The following JARID2 variants were observed in gnomAD, a reference collection of about 807,000 sequenced individuals.
JARID2 encodes the protein protein Jumonji.
In JARID2, 21 loss-of-function variants were observed where a neutral mutation model predicts 125.6. The observed-to-expected ratio is 0.17, with a 90% CI of 0.12 to 0.24. The LOEUF (loss-of-function observed/expected upper bound fraction) is 0.24, where lower values mean the gene tolerates loss of function less well. Ranked by LOEUF, JARID2 falls within the 10% of genes least tolerant of loss-of-function variation. The pLI, the probability that JARID2 is intolerant of heterozygous loss-of-function variation, is 1.00. For missense variants in JARID2, 1,303 were observed against 1,639.6 expected, an observed-to-expected ratio of 0.79 and a Z score of 3.55; for synonymous variants, 736 against 661.6, an observed-to-expected ratio of 1.11 and a Z score of -1.73.
chr6:15,324,154 G>C (rs879155561), intron 1 of JARID2, among the ~76,000 whole-genome samples: 33 of 151,784 alleles, frequency 2.2e-4, no homozygotes, highest in Non-Finnish European at 1.2e-4. Flanking sequence ...ACTCCAGCCT[G>C]GGGGACAGAG....
In JARID2 at chr6:15,364,032, TG is replaced by T. The variant is rs202055289; in HGVS notation, c.46-10083del. 7.5e-3 allele frequency among the ~76,000 whole-genome samples: 1,146 copies of T among 152,316 alleles called. 16 individuals are homozygous for T. Among genetic ancestry groups the T allele is most frequent in the African/African-American group, 0.026 (1,088 of 41,568 alleles). The stretch of plus-strand genomic sequence containing the variant: ...CATGAGATAGACAAAAATAAACTGG[TG>T]GTTTGTAATATAACATGACCAGAGA... On this transcript the variant is annotated intron_variant, in intron 1 of 17. Coordinates refer to ENST00000341776, the MANE Select transcript of JARID2 (RefSeq NM_004973.4).
chr6:15,492,450 G>T (rs768718933), intron 6 of JARID2, among the ~76,000 whole-genome samples: 9 of 152,172 alleles, frequency 5.9e-5, no homozygotes, highest in Admixed American at 1.3e-4. Context: ...TACAGAGGTG[G>T]GTTGAGGGAG....
At chr6:15,316,979 T>C (rs907144006) in intron 1 of JARID2, among the ~76,000 whole-genome samples, 2 of 152,246 alleles carry the variant, frequency 1.3e-5, no homozygotes, top group Non-Finnish European at 2.9e-5. Context: ...ACCTTTGTTA[T>C]AGAGTTGCTG....
chr6:15,261,052 G>C (rs1759852626), intron 1 of JARID2, among the ~76,000 whole-genome samples: 1 of 152,120 alleles, frequency 6.6e-6, no homozygotes. Flanking sequence ...TGATTATAAA[G>C]AACAGTCAGT....
intron 1 of JARID2, among the ~76,000 whole-genome samples, chr6:15,342,155 C>A (rs1409728646): frequency 6.6e-6 from 1 of 152,180 alleles, no homozygotes; most frequent in Admixed American, 6.5e-5. Context: ...CATGCTCAGT[C>A]TCTCAAAGTC....
intron 1 of JARID2, among the ~76,000 whole-genome samples, chr6:15,294,903 G>GT (rs1039067467): frequency 1.8e-4 from 28 of 152,110 alleles, no homozygotes; most frequent in African/African-American, 6.5e-4. Context: ...AGCAGAAGCT[G>GT]TTTTAGGAAG....
intron 1 of JARID2, among the ~76,000 whole-genome samples, chr6:15,367,407 C>T (rs1764018492): frequency 6.6e-6 from 1 of 152,200 alleles, no homozygotes; most frequent in Non-Finnish European, 1.5e-5. Flanking sequence ...CCTTCCCCTA[C>T]TCCCACTTCT....
intron 1 of JARID2, among the ~76,000 whole-genome samples, chr6:15,297,024 T>A (rs1427740264): frequency 1.3e-5 from 2 of 152,230 alleles, no homozygotes; most frequent in Non-Finnish European, 2.9e-5. Context: ...ATCTGAGAAG[T>A]CCTGCAGTCT....
intron 4 of JARID2, among the ~76,000 whole-genome samples, chr6:15,456,878 C>CTTTTTTTTTTTTTTTTTTTTTTTTTTTT (rs71535043): frequency 1.0e-5 from 1 of 95,672 alleles, no homozygotes; most frequent in African/African-American, 4.1e-5. Context: ...GGATGTTAAG[C>CTTTTTTTTTTTTTTTTTTTTTTTTTTTT]TTTTTTTTTT....
chr6:15,384,065 A>G (rs1311050186), intron 2 of JARID2, among the ~76,000 whole-genome samples: 1 of 152,128 alleles, frequency 6.6e-6, no homozygotes, highest in East Asian at 1.9e-4. Flanking sequence ...AAGTGCTGGG[A>G]TTATAGGCGT....
intron 4 of JARID2, among the ~76,000 whole-genome samples, chr6:15,467,922 C>T (rs1438515381): frequency 6.6e-6 from 1 of 152,106 alleles, no homozygotes; most frequent in Non-Finnish European, 1.5e-5. Flanking sequence ...GATCGGTTCC[C>T]CCGTTGGGAG....
In JARID2 at chr6:15,520,411, GAACT is replaced by G; in HGVS notation, c.*161_*164del. The G allele has an allele frequency of 5.2e-6, 3 of 580,756 alleles. No individual in the cohort carries two copies. Among genetic ancestry groups the G allele is most frequent in the Non-Finnish European group, 8.4e-6 (3 of 356,854 alleles). The allele number at this position is 580,756 out of a possible 1,614,324, so 36.0% of individuals were successfully genotyped here. ...AATTTTGTTTTAGCATTAAACTGTT[GAACT>G]TTTTTTTGTACTTAGAAAACCTAGA... On this transcript the variant is annotated 3_prime_UTR_variant, in exon 18 of 18. Transcript: ENST00000341776.
At chr6:15,517,574 T>G (rs191591965) in intron 17 of JARID2, among the ~76,000 whole-genome samples, 1 of 152,326 alleles carries the variant, frequency 6.6e-6, no homozygotes, top group Admixed American at 6.5e-5. Flanking sequence ...ACCCAGACCC[T>G]TTTTTGTGAC....
At chr6:15,325,391 A>G (rs985237271) in intron 1 of JARID2, among the ~76,000 whole-genome samples, 2 of 152,164 alleles carry the variant, frequency 1.3e-5, no homozygotes, top group Non-Finnish European at 1.5e-5. Flanking sequence ...GCTTGTCAAG[A>G]GACCCAGCAT....
At chr6:15,324,738 C>T (rs1256137644) in intron 1 of JARID2, among the ~76,000 whole-genome samples, 12 of 151,498 alleles carry the variant, frequency 7.9e-5, no homozygotes, top group Non-Finnish European at 2.9e-5. Flanking sequence ...ATCCTCCTGC[C>T]TCGGCCTCTC....
chr6:15,443,414 G>C (rs1389331968), intron 3 of JARID2, among the ~76,000 whole-genome samples: 1 of 152,166 alleles, frequency 6.6e-6, no homozygotes, highest in African/African-American at 2.4e-5. Context: ...ATCTTTAAGG[G>C]AGTAGGGGAG....
At chr6:15,407,024 C>T (rs1019448483) in intron 2 of JARID2, among the ~76,000 whole-genome samples, 2 of 151,288 alleles carry the variant, frequency 1.3e-5, no homozygotes, top group Non-Finnish European at 2.9e-5. Flanking sequence ...TTTGGGAGGT[C>T]GAAATGGGCG....
chr6:15,415,814 C>T (rs1022578559), intron 3 of JARID2, among the ~76,000 whole-genome samples: 8 of 113,234 alleles, frequency 7.1e-5, no homozygotes, highest in East Asian at 5.4e-4. Flanking sequence ...GCTGGCCGGG[C>T]GGGGGGCTGA....
intron 1 of JARID2, among the ~76,000 whole-genome samples, chr6:15,273,949 G>C (rs77849576): frequency 0.04 from 5,710 of 141,488 alleles, 180 homozygotes; most frequent in South Asian, 0.076. Context: ...TTTTTTTTAA[G>C]ATGGAGTCTC....
Sources: gnomAD v4.1 joint callset for allele counts (sites outside exome capture counted in the v4.1 genomes callset) on GRCh38, gnomAD v4.1.1 for gene constraint, MANE v1.5 for transcripts, NCBI Gene and HGNC (gene_info 2026-07-23, HGNC 2026-07-21) for gene names.